ZBTB2: variants seen among roughly 807,000 people sequenced by gnomAD.
The protein encoded by ZBTB2 is zinc finger and BTB domain containing 2.
ZBTB2 carries 2 observed loss-of-function variants against 39.5 expected under a neutral mutation model. The ratio of observed to expected loss-of-function variants is 0.05; its 90% CI spans 0.02 to 0.16. ZBTB2 has a LOEUF of 0.16. ZBTB2 is among the 10% of genes least tolerant of loss of function. ZBTB2 has a pLI of 1.00. For missense variants in ZBTB2, 391 were observed against 653.0 expected (o/e 0.60, Z 4.37); for synonymous variants, 251 against 256.6 (o/e 0.98, Z 0.21).
rs1255472271 is a variant in ZBTB2, at chr6:151,373,865, A to AC, written c.-12-217_-12-216insG. 3.3e-4 allele frequency among the ~76,000 whole-genome samples: 37 copies of AC among 112,228 alleles called. 2 individuals are homozygous for AC. The highest frequency in any genetic ancestry group is 1.2e-3 in the African/African-American group (27 of 22,580). 73.6% of individuals were successfully genotyped at this position (112,228 alleles called of 152,430 possible). ...CTTTAAAAAAAAAAAAAAAAAAAAA[A>AC]AAAAAAAAAAAACCAGATGATGCCA... On this transcript the variant is annotated intron_variant, in intron 1 of 2. Transcript: ENST00000325144.
Position 151,365,388 on chromosome 6 carries a change from G to T in ZBTB2, c.*133C>A. The T allele has an allele frequency of 9.5e-7, 1 of 1,052,240 alleles. No homozygotes were observed. 65.2% of individuals were successfully genotyped at this position (1,052,240 alleles called of 1,614,324 possible). On this transcript the variant is annotated 3_prime_UTR_variant, in exon 3 of 3. Transcript: ENST00000325144. The surrounding 1 kb of genome is among the most constrained non-coding windows in gnomAD (Gnocchi z 5.6). ...CTTTACAGAGGTGGGGCTGGGATGT[G>T]GAAAAGGGGAAGAGGAGAAGAGAAC...
At chr6:151,379,637 GAAA>G (rs61085296) in intron 1 of ZBTB2, among the ~76,000 whole-genome samples, 47 of 65,892 alleles carry the variant, frequency 7.1e-4, no homozygotes, top group African/African-American at 1.6e-3. Flanking sequence ...GACCCTGTCT[GAAA>G]AAAAAAAAAA....
At chr6:151,391,261 C>T (rs1779300796) in intron 1 of ZBTB2, among the ~76,000 whole-genome samples, 159 bp downstream of exon 1, 1 of 151,912 alleles carries the variant, frequency 6.6e-6, no homozygotes, top group Non-Finnish European at 1.5e-5. Flanking sequence ...GCACCCGTAG[C>T]CCTGGTACGA....
chr6:151,366,478 G>A lies in ZBTB2; in HGVS notation c.588C>T (p.Asp196=). The A allele has an allele frequency of 6.2e-7, 1 of 1,614,092 alleles. No individual in the cohort carries two copies. Among genetic ancestry groups the A allele is most frequent in the Non-Finnish European group, 8.5e-7 (1 of 1,180,026 alleles). ...QVNRTNMTPS[D]PLQTSLSPEL... is the part of the protein sequence containing the mutation. ...CTGGAGACAGCGAGGTCTGCAGGGG[G>A]TCTGAGGGAGTCATATTTGTCCGAT... The change falls in exon 3 of 3, where the codon GAC becomes GAT. Residue 196 remains aspartate (D), a synonymous_variant. Coordinates refer to ENST00000325144, the MANE Select transcript of ZBTB2 (RefSeq NM_020861.3). The surrounding 1 kb of genome is among the most constrained non-coding windows in gnomAD (Gnocchi z 7.1).
intron 1 of ZBTB2, among the ~76,000 whole-genome samples, chr6:151,384,663 G>A (rs1316443704): frequency 6.6e-6 from 1 of 152,150 alleles, no homozygotes; most frequent in African/African-American, 2.4e-5. Context: ...AATTTGGCGG[G>A]AAGAGCAAGA....
intron 1 of ZBTB2, among the ~76,000 whole-genome samples, chr6:151,389,790 G>A (rs1779243383): frequency 6.6e-6 from 1 of 152,096 alleles, no homozygotes; most frequent in Non-Finnish European, 1.5e-5. Context: ...GCAGTAAAAG[G>A]CGTAGCTGCA....
chr6:151,389,463 C>T (rs1311161724), intron 1 of ZBTB2, among the ~76,000 whole-genome samples: 2 of 152,186 alleles, frequency 1.3e-5, no homozygotes, highest in Non-Finnish European at 2.9e-5. Context: ...CACTAAAACG[C>T]TAGTGGTGTG....
At chr6:151,387,781 T>C (rs1435513726) in intron 1 of ZBTB2, among the ~76,000 whole-genome samples, 1 of 152,206 alleles carries the variant, frequency 6.6e-6, no homozygotes, top group Non-Finnish European at 1.5e-5. Context: ...CTCAAGCATG[T>C]GAACTGGGGG....
At chr6:151,370,210 A>C (rs1365334047) in intron 2 of ZBTB2, 3 of 380,266 alleles carry the variant, frequency 7.9e-6, no homozygotes, top group Non-Finnish European at 1.1e-5. Flanking sequence ...ATCTCGGCTT[A>C]CTGCAACCTC....
Position 151,381,161 on chromosome 6 carries a change from C to T in ZBTB2, c.-12-7512G>A, listed in dbSNP as rs549584422. ...CTCCATCTCCAGTTTTGGCCTCCTT[C>T]ATGCATCCACCACACAACAGCCAGA... On this transcript the variant is annotated intron_variant, in intron 1 of 2. Coordinates refer to ENST00000325144, the MANE Select transcript of ZBTB2 (RefSeq NM_020861.3). Among the ~76,000 whole-genome samples the T allele has an allele frequency of 1.1e-3, 167 of 152,308 alleles. 1 individual carries two copies. The highest frequency in any genetic ancestry group is 3.8e-3 in the African/African-American group (156 of 41,576).
intron 1 of ZBTB2, among the ~76,000 whole-genome samples, chr6:151,377,626 C>T (rs779830790): frequency 2.7e-5 from 4 of 147,166 alleles, no homozygotes; most frequent in African/African-American, 5.1e-5. Flanking sequence ...CTGACACCTC[C>T]GTTGCTGGGT....
chr6:151,391,000 G>GCCCCCCTCCCCTTCCTCCCTC (rs1779289085), intron 1 of ZBTB2, among the ~76,000 whole-genome samples: 1 of 146,034 alleles, frequency 6.8e-6, no homozygotes, highest in Non-Finnish European at 1.5e-5. Flanking sequence ...AACGCGAATC[G>GCCCCCCTCCCCTTCCTCCCTC]CCCCCCTCCC....
At chr6:151,387,073 T>C (rs1779173513) in intron 1 of ZBTB2, among the ~76,000 whole-genome samples, 2 of 152,220 alleles carry the variant, frequency 1.3e-5, no homozygotes, top group Non-Finnish European at 2.9e-5. Flanking sequence ...CTCACCCACC[T>C]ATGTAGTTGG....
intron 1 of ZBTB2, among the ~76,000 whole-genome samples, chr6:151,375,233 C>A (rs565326988): frequency 3.0e-4 from 46 of 152,132 alleles, no homozygotes; most frequent in African/African-American, 1.0e-3. Context: ...TAGCAATGAA[C>A]ATGTGGACTG....
At chr6:151,370,069 C>T (rs181498623) in intron 2 of ZBTB2, 1 of 972,756 alleles carries the variant, frequency 1.0e-6, no homozygotes. Context: ...TTTCCCAGTC[C>T]TGTGGAAAGG....
chr6:151,383,574 T>G (rs1057310052), intron 1 of ZBTB2, among the ~76,000 whole-genome samples: 1 of 152,136 alleles, frequency 6.6e-6, no homozygotes, highest in African/African-American at 2.4e-5. Context: ...TGGTGATGAT[T>G]TGGCTCCTGA....
chr6:151,390,377 A>AGGGG (rs1433404542), intron 1 of ZBTB2, among the ~76,000 whole-genome samples: 1 of 146,426 alleles, frequency 6.8e-6, no homozygotes, highest in African/African-American at 2.5e-5. Context: ...CGAGGGGCTG[A>AGGGG]GGGGGAGGGA....
intron 1 of ZBTB2, among the ~76,000 whole-genome samples, chr6:151,389,487 G>A (rs924780452): frequency 3.9e-5 from 6 of 152,152 alleles, no homozygotes; most frequent in African/African-American, 1.2e-4. Context: ...AACTCGCCCT[G>A]GTGCTCCAAC....
chr6:151,373,710 T>TA, intron 1 of ZBTB2, 61 bp from the exon 2 acceptor site: 1 of 1,486,582 alleles, frequency 6.7e-7, no homozygotes. Flanking sequence ...GTGTCCTTTA[T>TA]AGTCACCAAC....
Sources: allele counts gnomAD v4.1 joint callset (sites outside exome capture counted in the v4.1 genomes callset), GRCh38; gene constraint gnomAD v4.1.1; non-coding constraint Gnocchi (gnomAD v3.1); transcripts MANE v1.5; gene names NCBI Gene and HGNC (gene_info 2026-07-23, HGNC 2026-07-21).